The following NRXN1 variants were observed in gnomAD, a reference collection of about 807,000 sequenced individuals.
The protein encoded by NRXN1 is neurexin 1.
A neutral mutation model predicts 150.9 loss-of-function variants in NRXN1; 39 were observed. The ratio of observed to expected loss-of-function variants is 0.26; its 90% CI spans 0.20 to 0.34. The LOEUF (loss-of-function observed/expected upper bound fraction) is 0.34. NRXN1 is among the 10% of genes least tolerant of loss of function. The pLI is 1.00. For synonymous variants in NRXN1, 924 were observed against 757.0 expected (o/e 1.22, Z -3.62); for missense variants, 1,815 against 1,949.9 (o/e 0.93, Z 1.30).
intron 8 of NRXN1, among the ~76,000 whole-genome samples, chr2:50,613,255 C>G (rs1678483795): frequency 6.6e-6 from 1 of 152,178 alleles, no homozygotes. Flanking sequence ...AAACCAAGAC[C>G]TTGCCTCTAG....
chr2:50,053,739 G>A, intron 20 of NRXN1, 149 bp from the exon 21 acceptor site: 3 of 774,956 alleles, frequency 3.9e-6, no homozygotes, highest in Non-Finnish European at 6.3e-6. Context: ...GCTTATAAAT[G>A]AGGTGTCCAT....
At chr2:50,289,393 A>T (rs1252290778) in intron 17 of NRXN1, among the ~76,000 whole-genome samples, 1 of 152,110 alleles carries the variant, frequency 6.6e-6, no homozygotes, top group Non-Finnish European at 1.5e-5. Flanking sequence ...TAAGTCACTT[A>T]TGCAAATTTT....
At chr2:50,298,913 T>G (rs1365582248) in intron 17 of NRXN1, among the ~76,000 whole-genome samples, 3 of 152,310 alleles carry the variant, frequency 2.0e-5, no homozygotes, top group East Asian at 1.9e-4. Context: ...TTATTTCAGA[T>G]AGTACATGCT....
intron 17 of NRXN1, among the ~76,000 whole-genome samples, chr2:50,273,191 T>A (rs1178138815): frequency 1.3e-5 from 2 of 152,172 alleles, no homozygotes; most frequent in Non-Finnish European, 2.9e-5. Context: ...GAAGTTTGGA[T>A]TCAAATACAT....
chr2:50,086,440 G>A lies in NRXN1; in HGVS notation c.3718+4883C>T, dbSNP rs187833069. ...TCTTCCAGACAAATTGCATGATCAC[G>A]AGAAAAGATTTACACCATCTCTATG... On this transcript the variant is annotated intron_variant, in intron 19 of 22. Coordinates refer to ENST00000401669, the MANE Select transcript of NRXN1 (RefSeq NM_001330078.2). Among the ~76,000 whole-genome samples the A allele has an allele frequency of 5.7e-4, 86 of 152,130 alleles. 2 individuals are homozygous for A. In the East Asian group the frequency reaches 8.1e-3, roughly 14 times the overall value.
chr2:50,064,418 A>G (rs746341085), intron 19 of NRXN1, among the ~76,000 whole-genome samples: 2 of 133,156 alleles, frequency 1.5e-5, no homozygotes, highest in African/African-American at 2.9e-5. Flanking sequence ...AAAAATTAAT[A>G]CCACGTGGGA....
chr2:50,514,993 C>T (rs192126961), intron 12 of NRXN1, among the ~76,000 whole-genome samples: 10 of 152,248 alleles, frequency 6.6e-5, no homozygotes, highest in African/African-American at 2.4e-4. Flanking sequence ...CTCCCCACCC[C>T]CCAGGCCACA....
chr2:50,721,606 T>C (rs1169468293), intron 5 of NRXN1, among the ~76,000 whole-genome samples: 1 of 152,164 alleles, frequency 6.6e-6, no homozygotes, highest in Admixed American at 6.5e-5. Flanking sequence ...TCACTAATTT[T>C]TTAAAGTGGA....
At chr2:50,212,426 C>T (rs1002334496) in intron 18 of NRXN1, among the ~76,000 whole-genome samples, 16 of 148,048 alleles carry the variant, frequency 1.1e-4, no homozygotes, top group African/African-American at 3.1e-4. Context: ...TGTGTGTGAC[C>T]CTACAACTTA....
chr2:50,956,612 G>C (rs1351436977), intron 2 of NRXN1, among the ~76,000 whole-genome samples: 1 of 152,032 alleles, frequency 6.6e-6, no homozygotes, highest in Admixed American at 6.6e-5. Context: ...GCTGGGTGTG[G>C]TAGTGCATGC....
At chr2:50,206,856 T>C (rs2062619434) in intron 18 of NRXN1, among the ~76,000 whole-genome samples, 2 of 150,056 alleles carry the variant, frequency 1.3e-5, no homozygotes, top group African/African-American at 2.5e-5. Context: ...TGTGTGTGTA[T>C]ATACACACAC....
At chr2:50,922,807 C>T in intron 3 of NRXN1, 120 bp from the exon 4 acceptor site, 1 of 997,716 alleles carries the variant, frequency 1.0e-6, no homozygotes, top group South Asian at 1.4e-5. Flanking sequence ...ATGTCTGTAT[C>T]ACAGAGGCAA....
At chr2:50,991,436 C>A (rs1698527414) in intron 2 of NRXN1, among the ~76,000 whole-genome samples, 1 of 151,874 alleles carries the variant, frequency 6.6e-6, no homozygotes, top group South Asian at 2.1e-4. Context: ...AGCAAGAAGC[C>A]CAAGCCAGCC....
At chr2:50,080,145 G>T (rs1241035240) in intron 19 of NRXN1, among the ~76,000 whole-genome samples, 1 of 151,942 alleles carries the variant, frequency 6.6e-6, no homozygotes, top group Non-Finnish European at 1.5e-5. Flanking sequence ...TAGCCACCTG[G>T]GTTATCAAAT....
intron 8 of NRXN1, among the ~76,000 whole-genome samples, chr2:50,569,252 C>A (rs1325983018): frequency 6.6e-6 from 1 of 151,820 alleles, no homozygotes; most frequent in Non-Finnish European, 1.5e-5. Flanking sequence ...CTGTAGTCAA[C>A]AATAATATAT....
chr2:50,163,751 C>T (rs2059507851), intron 18 of NRXN1, among the ~76,000 whole-genome samples: 1 of 152,132 alleles, frequency 6.6e-6, no homozygotes, highest in Non-Finnish European at 1.5e-5. Flanking sequence ...TTAACATATA[C>T]ACGTTTTGAT....
At chr2:50,298,245 C>A (rs924330939) in intron 17 of NRXN1, among the ~76,000 whole-genome samples, 6 of 151,930 alleles carry the variant, frequency 3.9e-5, no homozygotes, top group African/African-American at 1.2e-4. Context: ...TTTTAAGGCA[C>A]AGATTTTTCA....
chr2:50,245,302 G>GA (rs1479234683), intron 17 of NRXN1, among the ~76,000 whole-genome samples: 4 of 151,904 alleles, frequency 2.6e-5, no homozygotes, highest in South Asian at 4.1e-4. Context: ...AATCAGATCA[G>GA]AAAAAATTCC....
intron 17 of NRXN1, among the ~76,000 whole-genome samples, chr2:50,446,528 T>C (rs1184169581): frequency 7.9e-6 from 1 of 125,920 alleles, no homozygotes; most frequent in African/African-American, 3.0e-5. Context: ...CTCCCTCCCT[T>C]CCTTCCTTCC....
Sources: gnomAD v4.1 joint callset for allele counts (sites outside exome capture counted in the v4.1 genomes callset) on GRCh38, gnomAD v4.1.1 for gene constraint, MANE v1.5 for transcripts, NCBI Gene and HGNC (gene_info 2026-07-23, HGNC 2026-07-21) for gene names.